The following KLRF1 variants were observed in gnomAD, a reference collection of about 807,000 sequenced individuals.
KLRF1 encodes the protein killer cell lectin-like receptor subfamily F member 1.
Under a neutral mutation model 30.7 loss-of-function variants are expected in KLRF1, and 27 were observed. The ratio of observed to expected loss-of-function variants is 0.88; its 90% confidence interval spans 0.65 to 1.21. KLRF1 has a LOEUF of 1.21. Ranked by LOEUF, KLRF1 falls within the 50% of genes most tolerant of loss-of-function variation. KLRF1 has a pLI of 0.00. For synonymous variants in KLRF1, 92 were observed against 89.3 expected, an observed-to-expected ratio of 1.03 and a Z score of -0.17; for missense variants, 246 against 259.3, an observed-to-expected ratio of 0.95 and a Z score of 0.35.
chr12:9,819,007 G>A, the KLRF1 span, among the ~76,000 whole-genome samples: 1 of 152,214 alleles, frequency 6.6e-6, no homozygotes, highest in Non-Finnish European at 1.5e-5. Flanking sequence ...GCAACATGGA[G>A]CCAGGGGAGC....
At chr12:9,800,206 G>T in the KLRF1 span, among the ~76,000 whole-genome samples, 20,370 of 152,078 alleles carry the variant, frequency 0.13, 1,515 homozygotes, top group Non-Finnish European at 0.16. Context: ...ATTTCAATCA[G>T]CAAAGAATGA....
chr12:9,815,839 A>T, the KLRF1 span, among the ~76,000 whole-genome samples: 1 of 152,178 alleles, frequency 6.6e-6, no homozygotes, highest in South Asian at 2.1e-4. Context: ...TTCTTTTGAG[A>T]TGGAGTTTCA....
At chr12:9,827,415 T>G (rs1565502795), upstream of KLRF1, 2 of 522,564 alleles carry the variant, frequency 3.8e-6, no homozygotes, top group Non-Finnish European at 6.8e-6. Context: ...TGAACCCTCA[T>G]ATGTACTGTG....
chr12:9,809,184 T>G, the KLRF1 span, among the ~76,000 whole-genome samples: 6 of 152,144 alleles, frequency 3.9e-5, no homozygotes, highest in Admixed American at 6.5e-5. Flanking sequence ...AAGAATTGCC[T>G]TTATTTGTAG....
the KLRF1 span, among the ~76,000 whole-genome samples, chr12:9,815,048 C>G: frequency 2.0e-5 from 3 of 152,130 alleles, no homozygotes; most frequent in East Asian, 5.8e-4. Flanking sequence ...CCTAAACACC[C>G]TGACTTGATA....
chr12:9,825,339 A>G (rs1461336075), upstream of KLRF1, among the ~76,000 whole-genome samples: 1 of 152,056 alleles, frequency 6.6e-6, no homozygotes, highest in Non-Finnish European at 1.5e-5. Context: ...CTGGACAGAA[A>G]GCCCAGAAAT....
chr12:9,804,710 G>T, the KLRF1 span, among the ~76,000 whole-genome samples: 1 of 151,914 alleles, frequency 6.6e-6, no homozygotes, highest in Non-Finnish European at 1.5e-5. Context: ...TCCTTGTCTT[G>T]TTCCTGATCT....
intron 3 of KLRF1, among the ~76,000 whole-genome samples, chr12:9,835,637 T>C (rs1161017208): frequency 6.6e-6 from 1 of 152,074 alleles, no homozygotes; most frequent in African/African-American, 2.4e-5. Context: ...TTTTCTGTAA[T>C]ACGGAGCTGG....
At chr12:9,800,505 T>G in the KLRF1 span, among the ~76,000 whole-genome samples, 1 of 151,990 alleles carries the variant, frequency 6.6e-6, no homozygotes, top group Non-Finnish European at 1.5e-5. Context: ...ATTATATCAC[T>G]CTGTGCGCCT....
At chr12:9,826,042 A>C (rs973824696), upstream of KLRF1, among the ~76,000 whole-genome samples, 5 of 152,216 alleles carry the variant, frequency 3.3e-5, no homozygotes, top group African/African-American at 1.2e-4. Context: ...TTAAGCAACA[A>C]ATATATTTCT....
At chr12:9,801,136 T>C in the KLRF1 span, among the ~76,000 whole-genome samples, 1 of 152,110 alleles carries the variant, frequency 6.6e-6, no homozygotes, top group African/African-American at 2.4e-5. Context: ...CTGAGGATGA[T>C]GGCTTCCAGC....
the KLRF1 span, among the ~76,000 whole-genome samples, chr12:9,816,803 G>A: frequency 4.0e-5 from 6 of 148,472 alleles, no homozygotes; most frequent in Non-Finnish European, 7.4e-5. Context: ...GCGCGATCTC[G>A]GCTCACTGCA....
chr12:9,833,901 C>CTTTTTTTTTTTTTT lies in KLRF1; in HGVS notation c.334+461_334+474dup, dbSNP rs35443913. 5.2e-4 allele frequency among the ~76,000 whole-genome samples: 43 copies of CTTTTTTTTTTTTTT among 82,398 alleles called. 2 individuals are homozygous for CTTTTTTTTTTTTTT. The highest frequency in any genetic ancestry group is 2.2e-3 in the African/African-American group (39 of 18,056). The allele number at this position is 82,398 out of a possible 152,430, so 54.1% of individuals were successfully genotyped here. ...TTACCTTCTATTTTTAAATGTTTAA[C>CTTTTTTTTTTTTTT]TTTTTTTTTTTTTTTTTTTTTTTTT... On this transcript the variant is annotated intron_variant, in intron 3 of 5. Coordinates refer to ENST00000617889, the MANE Select transcript of KLRF1 (RefSeq NM_016523.3).
intron 3 of KLRF1, among the ~76,000 whole-genome samples, chr12:9,836,299 G>A (rs1867575465): frequency 6.6e-6 from 1 of 151,990 alleles, no homozygotes; most frequent in Non-Finnish European, 1.5e-5. Context: ...ACTATCTTCT[G>A]TCTAGTCATA....
At chr12:9,830,189 G>C (rs112074456) in intron 1 of KLRF1, among the ~76,000 whole-genome samples, 2,158 of 152,156 alleles carry the variant, frequency 0.014, 43 homozygotes, top group African/African-American at 0.049. Flanking sequence ...CTATCCGTGA[G>C]TAATGAATTT....
intron 1 of KLRF1, 28 bp from the exon 2 acceptor site, chr12:9,832,287 TA>T: frequency 1.6e-6 from 2 of 1,240,852 alleles, no homozygotes; most frequent in Non-Finnish European, 2.4e-6. Context: ...CATACTTTTC[TA>T]AACTAATTCA....
intron 3 of KLRF1, among the ~76,000 whole-genome samples, chr12:9,838,135 C>T (rs772277628): frequency 1.8e-4 from 27 of 152,252 alleles, no homozygotes; most frequent in African/African-American, 6.3e-4. Flanking sequence ...GCACCTCCCT[C>T]TGTATCCATG....
At chr12:9,827,801 C>G (rs1867314242) in intron 1 of KLRF1, among the ~76,000 whole-genome samples, 172 bp downstream of exon 1, 2 of 152,256 alleles carry the variant, frequency 1.3e-5, no homozygotes, top group South Asian at 2.1e-4. Flanking sequence ...TTAAAAATAA[C>G]AACCTCTCTT....
chr12:9,843,564 T>G (rs1262788659), intron 5 of KLRF1, among the ~76,000 whole-genome samples: 1 of 152,186 alleles, frequency 6.6e-6, no homozygotes, highest in Non-Finnish European at 1.5e-5. Flanking sequence ...ATTATGGATG[T>G]GTGTCATCTG....
Sources: gnomAD v4.1 joint callset for allele counts (sites outside exome capture counted in the v4.1 genomes callset) on GRCh38, gnomAD v4.1.1 for gene constraint, MANE v1.5 for transcripts, NCBI Gene and HGNC (gene_info 2026-07-23, HGNC 2026-07-21) for gene names.